Variants in DNAH14 observed in about 807,000 individuals in gnomAD.
The protein encoded by DNAH14 is dynein axonemal heavy chain 14, also known as axonemal beta dynein heavy chain 14.
Under a neutral mutation model 520.9 loss-of-function variants are expected in DNAH14, and 478 were observed. The ratio of observed to expected loss-of-function variants is 0.92; its 90% CI spans 0.85 to 0.99. The LOEUF is 0.99. Ranked by LOEUF, DNAH14 falls within the 50% of genes least tolerant of loss-of-function variation. DNAH14 has a pLI of 0.00. For synonymous variants in DNAH14, 1,581 were observed against 1,757.2 expected (o/e 0.90, Z 2.51); for missense variants, 4,831 against 5,234.5 (o/e 0.92, Z 2.38).
At chr1:225,010,926 G>T (rs2064668619) in intron 10 of DNAH14, among the ~76,000 whole-genome samples, 2 of 151,244 alleles carry the variant, frequency 1.3e-5, no homozygotes, top group African/African-American at 4.9e-5. Flanking sequence ...GTATTTCTTT[G>T]GGATCAGTAG....
chr1:225,126,886 C>G (rs2077771150), intron 27 of DNAH14, among the ~76,000 whole-genome samples: 1 of 151,514 alleles, frequency 6.6e-6, no homozygotes, highest in Non-Finnish European at 1.5e-5. Flanking sequence ...TGAATGTGTC[C>G]CAGAGATTCT....
intron 27 of DNAH14, among the ~76,000 whole-genome samples, chr1:225,137,726 A>T (rs2079079976): frequency 1.3e-5 from 2 of 152,088 alleles, no homozygotes; most frequent in Non-Finnish European, 2.9e-5. Flanking sequence ...CCAGTGGAAG[A>T]TGTCACCCAG....
intron 71 of DNAH14, 91 bp downstream of exon 71, chr1:225,346,745 T>C (rs75179032): frequency 0.054 from 52,571 of 971,142 alleles, 1,640 homozygotes; most frequent in South Asian, 0.081. Context: ...GCCTCTATAA[T>C]TGATTAAAGT....
chr1:225,016,888 A>T (rs536374613), intron 10 of DNAH14, among the ~76,000 whole-genome samples: 3 of 151,340 alleles, frequency 2.0e-5, no homozygotes, highest in African/African-American at 7.3e-5. Flanking sequence ...TAGGATTTCT[A>T]TTTGGTTCTT....
At chr1:225,050,969 T>C (rs978437412) in intron 16 of DNAH14, among the ~76,000 whole-genome samples, 1 of 152,134 alleles carries the variant, frequency 6.6e-6, no homozygotes, top group African/African-American at 2.4e-5. Flanking sequence ...GGGTTCAAGC[T>C]CCTATGAGAA....
intron 64 of DNAH14, 50 bp from the exon 65 acceptor site, chr1:225,331,387 C>G: frequency 1.3e-6 from 2 of 1,520,358 alleles, no homozygotes; most frequent in Non-Finnish European, 1.8e-6. Flanking sequence ...AGTCTTGAAG[C>G]AAAATGAGAG....
At chr1:225,056,378 G>A (rs943202531) in intron 17 of DNAH14, among the ~76,000 whole-genome samples, 2 of 151,714 alleles carry the variant, frequency 1.3e-5, no homozygotes, top group African/African-American at 4.8e-5. Context: ...TTTTGATGGG[G>A]TTGTTTTTTG....
chr1:224,934,181 TTAA>T (rs141900287), intron 1 of DNAH14, among the ~76,000 whole-genome samples: 10,493 of 151,996 alleles, frequency 0.069, 1,165 homozygotes, highest in African/African-American at 0.24. Context: ...TCAGTAGATC[TTAA>T]TAAAAAGAAT....
intron 61 of DNAH14, among the ~76,000 whole-genome samples, chr1:225,320,657 C>G (rs2094541277): frequency 1.3e-5 from 2 of 152,200 alleles, no homozygotes; most frequent in Admixed American, 1.3e-4. Context: ...AAAATGCCAA[C>G]AATTGCCCCA....
chr1:225,392,360 C>A lies in DNAH14; in HGVS notation c.13400C>A (p.Thr4467Asn). 6.4e-7 allele frequency: 1 copy of A among 1,552,296 alleles called. No homozygotes were observed. The highest frequency in any genetic ancestry group is 8.7e-7 in the Non-Finnish European group (1 of 1,147,134). ...ATCGCTGTGGATGCCCTCACCTTCACCCACCATGTGATTTCCAACACCACT... is the reference window on the plus strand; with the variant it reads ...ATCGCTGTGGATGCCCTCACCTTCAACCACCATGTGATTTCCAACACCACT... ...RGIAVDALTF[T>N]HHVISNTTDK... Residue 4467 changes from threonine (T) to asparagine (N), a missense_variant, in exon 84 of 86, where the codon ACC becomes AAC. Coordinates refer to ENST00000682510, the MANE Select transcript of DNAH14 (RefSeq NM_001367479.1).
At chr1:225,314,808 T>G (rs1032647909) in intron 60 of DNAH14, among the ~76,000 whole-genome samples, 1 of 152,260 alleles carries the variant, frequency 6.6e-6, no homozygotes. Flanking sequence ...AGAGATCCAC[T>G]GTTAGTCTGA....
intron 35 of DNAH14, among the ~76,000 whole-genome samples, chr1:225,162,601 A>G (rs908233335): frequency 1.3e-5 from 2 of 152,162 alleles, no homozygotes; most frequent in Non-Finnish European, 2.9e-5. Flanking sequence ...ATAGGACTGC[A>G]TTGAATCTGT....
chr1:224,982,564 T>C (rs1274864650), intron 8 of DNAH14, among the ~76,000 whole-genome samples: 4 of 152,218 alleles, frequency 2.6e-5, no homozygotes, highest in Non-Finnish European at 5.9e-5. Flanking sequence ...TTTCAGACTT[T>C]TTGATGTAGT....
intron 54 of DNAH14, among the ~76,000 whole-genome samples, chr1:225,281,712 C>G (rs6690234): frequency 0.042 from 6,293 of 151,638 alleles, 431 homozygotes; most frequent in African/African-American, 0.14. Flanking sequence ...ATGAATAGCA[C>G]AAAAGAGGAG....
intron 11 of DNAH14, chr1:225,024,288 A>C (rs1005958876): frequency 2.4e-5 from 24 of 982,620 alleles, no homozygotes; most frequent in Admixed American, 6.1e-5. Flanking sequence ...TACAAAGTCC[A>C]ATTGGAATTT....
At chr1:224,970,119 C>G (rs2061416868) in intron 7 of DNAH14, among the ~76,000 whole-genome samples, 1 of 152,142 alleles carries the variant, frequency 6.6e-6, no homozygotes, top group Non-Finnish European at 1.5e-5. Flanking sequence ...TTTTTCTCAG[C>G]AAGGAACATC....
chr1:225,151,911 C>A, intron 31 of DNAH14, 94 bp from the exon 32 acceptor site: 1 of 1,014,434 alleles, frequency 9.9e-7, no homozygotes, highest in South Asian at 1.4e-5. Flanking sequence ...AAATGTAACA[C>A]AGCCTTAATA....
chr1:225,093,671 T>C (rs1160904958), intron 21 of DNAH14, among the ~76,000 whole-genome samples: 4 of 151,940 alleles, frequency 2.6e-5, no homozygotes, highest in Non-Finnish European at 1.5e-5. Context: ...GACATCCAAA[T>C]AGGAAAAAAG....
rs1267617137 is a variant in DNAH14, at chr1:224,952,856, C to G, written c.77+77C>G. The G allele has an allele frequency of 2.9e-6, 3 of 1,031,270 alleles. No homozygotes were observed. The African/African-American group carries it at 4.9e-5, about 17-fold the overall frequency. 63.9% of individuals were successfully genotyped at this position (1,031,270 alleles called of 1,614,324 possible). On this transcript the variant is annotated intron_variant, in intron 2 of 85. Transcript: ENST00000682510. ...AGTGTATGGCTGGTGGTAAGCCATT[C>G]TGACAGTGAAAGACTTAAAATATCT...
Sources: allele counts gnomAD v4.1 joint callset (sites outside exome capture counted in the v4.1 genomes callset), GRCh38; gene constraint gnomAD v4.1.1; transcripts MANE v1.5; gene names NCBI Gene and HGNC (gene_info 2026-07-23, HGNC 2026-07-21).